CADM2: variants seen among roughly 807,000 people sequenced by gnomAD.
CADM2 encodes the protein immunoglobulin superfamily member 4D.
CADM2 carries 12 observed loss-of-function variants against 49.8 expected under a neutral mutation model. That is an observed-to-expected ratio of 0.24 (90% confidence interval 0.15 to 0.39). CADM2 has a LOEUF of 0.39. Among genes scored for constraint, CADM2 ranks in the 10% least tolerant of loss-of-function variants. The pLI, the probability that CADM2 is intolerant of heterozygous loss-of-function variation, is 1.00. For synonymous variants in CADM2, 214 were observed against 175.4 expected (o/e 1.22, Z -1.74); for missense variants, 378 against 492.3 (o/e 0.77, Z 2.20).
chr3:85,803,791 A>G (rs1195617046), intron 3 of CADM2, among the ~76,000 whole-genome samples: 1 of 152,156 alleles, frequency 6.6e-6, no homozygotes, highest in Non-Finnish European at 1.5e-5. Flanking sequence ...AAAGTCTACT[A>G]TTTTAAATGT....
intron 1 of CADM2, among the ~76,000 whole-genome samples, chr3:85,582,853 T>C (rs1184560732): frequency 1.3e-5 from 2 of 152,114 alleles, no homozygotes; most frequent in Non-Finnish European, 2.9e-5. Flanking sequence ...AATGGGTGAG[T>C]AGAATCTCTG....
intron 1 of CADM2, among the ~76,000 whole-genome samples, chr3:85,137,659 T>G (rs1285387214): frequency 6.6e-6 from 1 of 151,998 alleles, no homozygotes; most frequent in Non-Finnish European, 1.5e-5. Flanking sequence ...TTAAAATGAG[T>G]TAGATTTTCT....
chr3:85,556,355 A>C (rs2061959282), intron 1 of CADM2, among the ~76,000 whole-genome samples: 1 of 152,116 alleles, frequency 6.6e-6, no homozygotes, highest in African/African-American at 2.4e-5. Context: ...TGCTGTCTCA[A>C]AGGTGGCACA....
intron 1 of CADM2, among the ~76,000 whole-genome samples, chr3:85,089,177 T>C (rs73843282): frequency 0.043 from 6,526 of 152,234 alleles, 164 homozygotes; most frequent in South Asian, 0.046. Context: ...GGTGGTTTTC[T>C]ATATTTTGAA....
intron 8 of CADM2, among the ~76,000 whole-genome samples, chr3:86,035,446 G>A (rs1735040242): frequency 6.6e-6 from 1 of 152,102 alleles, no homozygotes; most frequent in East Asian, 1.9e-4. Flanking sequence ...CACCTTCAGT[G>A]ATCAGTTCTG....
intron 1 of CADM2, among the ~76,000 whole-genome samples, chr3:85,152,059 C>T (rs568860060): frequency 8.5e-5 from 13 of 152,164 alleles, no homozygotes; most frequent in South Asian, 4.1e-4. Context: ...CTATATATCA[C>T]GAACTTCAAG....
At chr3:85,812,725 G>A (rs1178274155) in intron 3 of CADM2, among the ~76,000 whole-genome samples, 1 of 151,958 alleles carries the variant, frequency 6.6e-6, no homozygotes, top group Non-Finnish European at 1.5e-5. Flanking sequence ...ACAGGCCTCA[G>A]TGTGTGATGT....
intron 2 of CADM2, among the ~76,000 whole-genome samples, chr3:85,752,725 C>G (rs148633506): frequency 6.6e-6 from 1 of 151,640 alleles, no homozygotes; most frequent in East Asian, 1.9e-4. Flanking sequence ...TTGCCCCACT[C>G]GTGGAAAGAA....
intron 1 of CADM2, among the ~76,000 whole-genome samples, chr3:85,493,442 G>A (rs1202935572): frequency 9.6e-6 from 1 of 104,246 alleles, no homozygotes; most frequent in Admixed American, 1.1e-4. Context: ...TTTTTCATCT[G>A]CCCTGTACAT....
chr3:85,953,771 A>G (rs1306366188), intron 7 of CADM2, among the ~76,000 whole-genome samples: 1 of 150,154 alleles, frequency 6.7e-6, no homozygotes, highest in Non-Finnish European at 1.5e-5. Flanking sequence ...ATAGATAATT[A>G]TTTGATAATT....
intron 1 of CADM2, among the ~76,000 whole-genome samples, chr3:85,081,762 A>G (rs1189961601): frequency 6.6e-6 from 1 of 152,168 alleles, no homozygotes; most frequent in Admixed American, 6.6e-5. Flanking sequence ...CTCTGCCTGT[A>G]AAGCTGACAC....
chr3:85,553,303 A>T (rs897685296), intron 1 of CADM2, among the ~76,000 whole-genome samples: 1 of 105,606 alleles, frequency 9.5e-6, no homozygotes, highest in East Asian at 6.7e-4. Flanking sequence ...ATTGTGTTTT[A>T]TTTCTTTTTT....
At chr3:85,681,804 T>G (rs2107658501) in intron 1 of CADM2, among the ~76,000 whole-genome samples, 1 of 152,272 alleles carries the variant, frequency 6.6e-6, no homozygotes, top group South Asian at 2.1e-4. Context: ...AAATGAAGTT[T>G]TGTTTCATTG....
intron 8 of CADM2, among the ~76,000 whole-genome samples, chr3:85,982,719 A>T (rs1444744037): frequency 6.6e-6 from 1 of 151,650 alleles, no homozygotes; most frequent in Admixed American, 6.6e-5. Flanking sequence ...TGCCTTTTAA[A>T]TTAAAACTTT....
chr3:85,475,198 G>A (rs1165148105), intron 1 of CADM2, among the ~76,000 whole-genome samples: 1 of 151,868 alleles, frequency 6.6e-6, no homozygotes, highest in African/African-American at 2.4e-5. Context: ...TTGGAATAGT[G>A]AGCATAAAAT....
chr3:85,684,944 A>G (rs542083717), intron 1 of CADM2, among the ~76,000 whole-genome samples: 170 of 152,202 alleles, frequency 1.1e-3, no homozygotes, highest in Non-Finnish European at 1.9e-3. Flanking sequence ...AGACAGCCAC[A>G]TCAGCAAAAC....
rs982901664 is a variant in CADM2, at chr3:85,502,702, A to T, written c.62-223820A>T. Among the ~76,000 whole-genome samples, 7 of 152,152 alleles carry T rather than the reference A, an allele frequency of 4.6e-5. No individual in the cohort carries two copies. In the East Asian group the frequency reaches 1.3e-3, roughly 29 times the overall value. On this transcript the variant is annotated intron_variant, in intron 1 of 9. Coordinates refer to ENST00000383699, the MANE Select transcript of CADM2 (RefSeq NM_001167675.2). Reference sequence around the variant, plus strand: ...GAATTACCTTATTATAGCTGCTCGCATGACAAATGTACTTGATCACTGTTT... The same window carrying T: ...GAATTACCTTATTATAGCTGCTCGCTTGACAAATGTACTTGATCACTGTTT...
chr3:85,321,158 T>A (rs59767269), intron 1 of CADM2, among the ~76,000 whole-genome samples: 1 of 63,486 alleles, frequency 1.6e-5, no homozygotes, highest in African/African-American at 6.8e-5. Flanking sequence ...TTTTTTTTTT[T>A]TTTTTTTTGC....
At chr3:85,708,994 A>G (rs542954786) in intron 1 of CADM2, among the ~76,000 whole-genome samples, 1 of 151,854 alleles carries the variant, frequency 6.6e-6, no homozygotes, top group Non-Finnish European at 1.5e-5. Flanking sequence ...ATTAATTTTC[A>G]TGTAAAATTA....
Sources: gnomAD v4.1 joint callset for allele counts (sites outside exome capture counted in the v4.1 genomes callset) on GRCh38, gnomAD v4.1.1 for gene constraint, MANE v1.5 for transcripts, NCBI Gene and HGNC (gene_info 2026-07-23, HGNC 2026-07-21) for gene names.